Variants in MITF observed in about 807,000 individuals in gnomAD.
MITF encodes the protein melanocyte inducing transcription factor, also known as microphthalmia-associated transcription factor.
In MITF, 17 loss-of-function variants were observed where a neutral mutation model predicts 60.5. The ratio of observed to expected loss-of-function variants is 0.28; its 90% CI spans 0.19 to 0.42. MITF has a LOEUF of 0.42. Ranked by LOEUF, MITF falls within the 10% of genes least tolerant of loss-of-function variation. The pLI, the probability that MITF is intolerant of heterozygous loss-of-function variation, is 1.00. For synonymous variants in MITF, 260 were observed against 248.5 expected, an observed-to-expected ratio of 1.05 and a Z score of -0.43; for missense variants, 622 against 683.5, an observed-to-expected ratio of 0.91 and a Z score of 1.00.
chr3:69,869,440 G>A (rs2064180255), intron 1 of MITF, among the ~76,000 whole-genome samples: 1 of 152,122 alleles, frequency 6.6e-6, no homozygotes, highest in African/African-American at 2.4e-5. Flanking sequence ...TTCTGTAGCT[G>A]ATTCTGATAC....
intron 1 of MITF, among the ~76,000 whole-genome samples, chr3:69,808,520 G>A (rs1018721481): frequency 7.9e-5 from 12 of 152,096 alleles, no homozygotes; most frequent in African/African-American, 2.9e-4. Context: ...TATAGTAAGA[G>A]GAGTTGATCT....
intron 1 of MITF, among the ~76,000 whole-genome samples, chr3:69,777,607 T>C (rs938250752): frequency 2.6e-5 from 4 of 152,150 alleles, no homozygotes; most frequent in Non-Finnish European, 5.9e-5. Flanking sequence ...AGAGAAGTGC[T>C]AATGGTCGCA....
chr3:69,944,426 T>C (rs1448109913), intron 5 of MITF, among the ~76,000 whole-genome samples: 1 of 151,894 alleles, frequency 6.6e-6, no homozygotes, highest in Non-Finnish European at 1.5e-5. Flanking sequence ...CTGGGCAGAG[T>C]TGAATTAACT....
At chr3:69,828,867 G>T (rs776357357) in intron 1 of MITF, among the ~76,000 whole-genome samples, 1 of 137,276 alleles carries the variant, frequency 7.3e-6, no homozygotes, top group Non-Finnish European at 1.7e-5. Context: ...TTAATAGGAA[G>T]CAGAGCTTTA....
chr3:69,766,041 AG>A (rs1168098924), intron 1 of MITF, among the ~76,000 whole-genome samples: 1 of 152,196 alleles, frequency 6.6e-6, no homozygotes, highest in Non-Finnish European at 1.5e-5. Context: ...TTTTAAAAAG[AG>A]GTTTTATGTT....
At chr3:69,929,814 C>T (rs1429198122) in intron 2 of MITF, among the ~76,000 whole-genome samples, 1 of 152,012 alleles carries the variant, frequency 6.6e-6, no homozygotes, top group African/African-American at 2.4e-5. Flanking sequence ...GAGATGGTGG[C>T]TTGGATCAGA....
intron 1 of MITF, among the ~76,000 whole-genome samples, chr3:69,787,522 CTCTT>C (rs1277714920): frequency 1.3e-5 from 2 of 150,260 alleles, no homozygotes; most frequent in East Asian, 3.9e-4. Flanking sequence ...TTGAAGGATT[CTCTT>C]TCTTTCCACT....
intron 1 of MITF, among the ~76,000 whole-genome samples, chr3:69,800,739 T>A (rs549608523): frequency 2.0e-5 from 3 of 151,740 alleles, no homozygotes; most frequent in East Asian, 3.9e-4. Flanking sequence ...CCTTTTCATT[T>A]AAAAAAAAAT....
chr3:69,937,442 GAAAC>G (rs1214869721), intron 2 of MITF, among the ~76,000 whole-genome samples: 1 of 151,650 alleles, frequency 6.6e-6, no homozygotes, highest in Non-Finnish European at 1.5e-5. Context: ...CAAGGAAAGT[GAAAC>G]AAACAATTAT....
At chr3:69,828,358 A>C (rs1253662746) in intron 1 of MITF, among the ~76,000 whole-genome samples, 1 of 152,180 alleles carries the variant, frequency 6.6e-6, no homozygotes, top group African/African-American at 2.4e-5. Context: ...ACTTGTTTTC[A>C]TCTTAGAAGA....
intron 1 of MITF, among the ~76,000 whole-genome samples, chr3:69,865,374 A>T (rs1023419143): frequency 6.6e-6 from 1 of 152,096 alleles, no homozygotes; most frequent in African/African-American, 2.4e-5. Context: ...TGTAGGGAGA[A>T]ACATACATAC....
chr3:69,793,493 G>GATGCTCATAGCATGCACCCTCACCCA (rs2062776108), intron 1 of MITF, among the ~76,000 whole-genome samples: 1 of 131,708 alleles, frequency 7.6e-6, no homozygotes, highest in Non-Finnish European at 1.7e-5. Context: ...CTACCCATTA[G>GATGCTCATAGCATGCACCCTCACCCA]ATGCTCATAG....
At chr3:69,869,996 G>A (rs1373730397) in intron 1 of MITF, among the ~76,000 whole-genome samples, 2 of 152,056 alleles carry the variant, frequency 1.3e-5, no homozygotes, top group African/African-American at 4.8e-5. Flanking sequence ...AACAGTTTCG[G>A]TGGTGTTCTT....
intron 1 of MITF, among the ~76,000 whole-genome samples, chr3:69,759,621 A>G (rs1194699835): frequency 6.6e-6 from 1 of 152,246 alleles, no homozygotes; most frequent in East Asian, 1.9e-4. Context: ...AGGGTTGACT[A>G]TATTAAAAAC....
At chr3:69,879,843 C>G (rs772892256) in intron 2 of MITF, among the ~76,000 whole-genome samples, 1 of 152,156 alleles carries the variant, frequency 6.6e-6, no homozygotes, top group Admixed American at 6.5e-5. Context: ...TGAAGAAGAG[C>G]TTTCTGCGCT....
intron 1 of MITF, among the ~76,000 whole-genome samples, chr3:69,800,564 A>G (rs1234557901): frequency 2.0e-5 from 3 of 152,122 alleles, no homozygotes; most frequent in Non-Finnish European, 4.4e-5. Context: ...ACCACTTTGC[A>G]TTCCCACCAG....
chr3:69,805,561 G>A (rs1171627384), intron 1 of MITF, among the ~76,000 whole-genome samples: 1 of 152,094 alleles, frequency 6.6e-6, no homozygotes, highest in African/African-American at 2.4e-5. Flanking sequence ...TATATTACAA[G>A]GGCAGGAAGA....
chr3:69,890,551 G>T (rs1373125695), intron 2 of MITF, among the ~76,000 whole-genome samples: 1 of 152,010 alleles, frequency 6.6e-6, no homozygotes, highest in African/African-American at 2.4e-5. Context: ...TAACATGAAG[G>T]ATATTGAAAA....
chr3:69,791,092 C>T (rs1208793415), intron 1 of MITF, among the ~76,000 whole-genome samples: 2 of 152,176 alleles, frequency 1.3e-5, no homozygotes, highest in Admixed American at 1.3e-4. Context: ...GTCCCAATGC[C>T]CTTTTTTCTT....
Sources: allele counts gnomAD v4.1 joint callset (sites outside exome capture counted in the v4.1 genomes callset), GRCh38; gene constraint gnomAD v4.1.1; transcripts MANE v1.5; gene names NCBI Gene and HGNC (gene_info 2026-07-23, HGNC 2026-07-21).